Variants in CDIN1 observed in about 807,000 individuals in gnomAD.
CDIN1 encodes the protein CDAN1 interacting nuclease 1.
Under a neutral mutation model 45.3 loss-of-function variants are expected in CDIN1, and 33 were observed. The observed-to-expected ratio is 0.73, with a 90% CI of 0.55 to 0.97. CDIN1 has a LOEUF of 0.97. Ranked by LOEUF, CDIN1 falls within the 50% of genes least tolerant of loss-of-function variation. The pLI, the probability that CDIN1 is intolerant of heterozygous loss-of-function variation, is 0.00. For missense variants in CDIN1, 303 were observed against 339.4 expected (o/e 0.89, Z 0.84); for synonymous variants, 118 against 124.4 (o/e 0.95, Z 0.34).
chr15:36,769,237 A>G (rs990483209), intron 10 of CDIN1, among the ~76,000 whole-genome samples: 1 of 152,128 alleles, frequency 6.6e-6, no homozygotes, highest in Non-Finnish European at 1.5e-5. Context: ...ATATTGAGAG[A>G]TTTATTTTAA....
At chr15:36,687,317 T>C (rs1231530306) in intron 5 of CDIN1, among the ~76,000 whole-genome samples, 1 of 152,110 alleles carries the variant, frequency 6.6e-6, no homozygotes. Flanking sequence ...TATGAATCAC[T>C]CGTAAGACAT....
chr15:36,619,497 A>ATCTG (rs2039056936), intron 1 of CDIN1, among the ~76,000 whole-genome samples: 2 of 151,874 alleles, frequency 1.3e-5, no homozygotes, highest in Admixed American at 6.6e-5. Flanking sequence ...CTATCTATCT[A>ATCTG]TCTATCTATC....
intron 1 of CDIN1, among the ~76,000 whole-genome samples, chr15:36,581,222 T>G (rs1164967543): frequency 2.0e-5 from 3 of 152,238 alleles, no homozygotes; most frequent in Admixed American, 6.5e-5. Flanking sequence ...TAGGTAGATT[T>G]TTCTGGGCAG....
At chr15:36,695,955 A>G (rs1488229337) in intron 7 of CDIN1, among the ~76,000 whole-genome samples, 1 of 152,186 alleles carries the variant, frequency 6.6e-6, no homozygotes, top group Non-Finnish European at 1.5e-5. Context: ...TTTAAGAAAT[A>G]TTAGCTATTA....
intron 10 of CDIN1, among the ~76,000 whole-genome samples, chr15:36,744,682 T>TGG (rs2044357451): frequency 6.6e-6 from 1 of 152,206 alleles, no homozygotes; most frequent in African/African-American, 2.4e-5. Context: ...TAAATCTCTA[T>TGG]AAATGTTTGA....
chr15:36,658,268 G>A (rs1379423300), intron 5 of CDIN1: 3 of 159,796 alleles, frequency 1.9e-5, no homozygotes, highest in Non-Finnish European at 2.7e-5. Context: ...CAGCAAGACC[G>A]GAGAAATACT....
intron 8 of CDIN1, chr15:36,705,137 C>CT (rs1301760150): frequency 6.6e-6 from 1 of 152,150 alleles, no homozygotes; most frequent in Non-Finnish European, 1.5e-5. Flanking sequence ...AAAATGCCCT[C>CT]TAAAGACAGT....
At chr15:36,789,004 T>G (rs184300884) in intron 10 of CDIN1, among the ~76,000 whole-genome samples, 53 of 152,330 alleles carry the variant, frequency 3.5e-4, no homozygotes, top group Non-Finnish European at 1.9e-4. Flanking sequence ...ATTGGAAGAA[T>G]TGTTTTGGTC....
rs182185817 is a variant in CDIN1 at position 36,710,081 on chromosome 15, T to A, written c.716+120T>A. 2.3e-5 allele frequency: 14 copies of A among 604,720 alleles called. No individual in the cohort carries two copies. In the East Asian group the frequency reaches 3.6e-4, roughly 15 times the overall value. The allele number at this position is 604,720 out of a possible 1,614,324, so 37.5% of individuals were successfully genotyped here. A position where few individuals can be genotyped will look rare whatever the true frequency, so the allele number is the denominator to read the frequency against. On this transcript the variant is annotated intron_variant, in intron 10 of 10. Coordinates refer to ENST00000566621, the MANE Select transcript of CDIN1 (RefSeq NM_001321759.2). ...GCCGTTGTTTCTAGTAAATACAGAGTTTTGATTAATGTATTCATTTCAGAT... is the reference window on the plus strand; with the variant it reads ...GCCGTTGTTTCTAGTAAATACAGAGATTTGATTAATGTATTCATTTCAGAT...
At chr15:36,773,863 A>C (rs1054026603) in intron 10 of CDIN1, among the ~76,000 whole-genome samples, 9 of 152,222 alleles carry the variant, frequency 5.9e-5, no homozygotes, top group African/African-American at 2.2e-4. Flanking sequence ...GTCAGCTGCT[A>C]TTCTGAGGCT....
At chr15:36,807,834 T>C (rs527627259) in intron 10 of CDIN1, among the ~76,000 whole-genome samples, 1 of 152,340 alleles carries the variant, frequency 6.6e-6, no homozygotes, top group African/African-American at 2.4e-5. Context: ...AGTAGAACAG[T>C]ATAGCCAGAA....
intron 10 of CDIN1, among the ~76,000 whole-genome samples, chr15:36,742,549 T>G (rs1216060077): frequency 3.3e-5 from 5 of 152,208 alleles, no homozygotes. Flanking sequence ...TCACCTTTAT[T>G]TTGTGAACTG....
intron 4 of CDIN1, among the ~76,000 whole-genome samples, chr15:36,655,955 C>A (rs1183645011): frequency 6.6e-6 from 1 of 152,180 alleles, no homozygotes; most frequent in African/African-American, 2.4e-5. Flanking sequence ...CCTACCAACA[C>A]ATTTTCTCCT....
chr15:36,579,975 T>C lies in CDIN1; in HGVS notation c.101+14T>C, dbSNP rs374309482. ...GAGGTTTCCCAGGTAAGTGTCCATC[T>C]CTCCCCTCTCACAGCCCTTTGCCTG... On this transcript the variant is annotated intron_variant, in intron 1 of 10. Transcript: ENST00000566621. The C allele has an allele frequency of 4.4e-6, 7 of 1,607,134 alleles. No individual in the cohort carries two copies. Among genetic ancestry groups the C allele is most frequent in the Non-Finnish European group, 6.0e-6 (7 of 1,176,294 alleles).
At chr15:36,655,794 T>C (rs571571421) in intron 4 of CDIN1, among the ~76,000 whole-genome samples, 1 of 152,300 alleles carries the variant, frequency 6.6e-6, no homozygotes, top group Non-Finnish European at 1.5e-5. Context: ...GATGCAAATA[T>C]GGTACCCATC....
rs572292418 is a variant in CDIN1 at position 36,682,741 on chromosome 15, T to A, written c.347-8944T>A. Among the ~76,000 whole-genome samples the A allele has an allele frequency of 1.3e-4, 16 of 121,852 alleles. No homozygotes were observed. The South Asian group carries it at 2.0e-3, about 15-fold the overall frequency. The allele number at this position is 121,852 out of a possible 152,430, so 79.9% of individuals were successfully genotyped here. A position where few individuals can be genotyped will look rare whatever the true frequency, so the allele number is the denominator to read the frequency against. On this transcript the variant is annotated intron_variant, in intron 5 of 10. Transcript: ENST00000566621. Reference sequence around the variant, plus strand: ...GTTGAGATCACACCACTGCACTCCATCCTAGGCAACAGAGCAAGACCCTGC... The same window carrying A: ...GTTGAGATCACACCACTGCACTCCAACCTAGGCAACAGAGCAAGACCCTGC...
At chr15:36,707,134 G>A (rs2042896362) in intron 8 of CDIN1, 1 of 152,150 alleles carries the variant, frequency 6.6e-6, no homozygotes, top group Non-Finnish European at 1.5e-5. Context: ...ATTAAAGGAA[G>A]AAGATACCCA....
chr15:36,661,705 C>T (rs959609718), intron 5 of CDIN1, among the ~76,000 whole-genome samples: 56 of 152,042 alleles, frequency 3.7e-4, no homozygotes, highest in Non-Finnish European at 1.8e-4. Flanking sequence ...TAGCACAGGT[C>T]CTGCTCCCTA....
intron 1 of CDIN1, among the ~76,000 whole-genome samples, chr15:36,621,400 C>A (rs1595378440): frequency 6.6e-6 from 1 of 152,232 alleles, no homozygotes; most frequent in African/African-American, 2.4e-5. Flanking sequence ...ATTACTATTT[C>A]TTTGACTTAT....
Sources: gnomAD v4.1 joint callset for allele counts (sites outside exome capture counted in the v4.1 genomes callset) on GRCh38, gnomAD v4.1.1 for gene constraint, MANE v1.5 for transcripts, NCBI Gene and HGNC (gene_info 2026-07-23, HGNC 2026-07-21) for gene names.